AFG2A: variants seen among roughly 807,000 people sequenced by gnomAD.
AFG2A encodes the protein ATPase family gene 2 protein homolog A.
chr4:123,027,575 G>A, the AFG2A span, among the ~76,000 whole-genome samples: 4 of 152,188 alleles, frequency 2.6e-5, 1 homozygote, highest in South Asian at 8.3e-4. Flanking sequence ...CATGGTTACT[G>A]GTTGTTATAG....
the AFG2A span, among the ~76,000 whole-genome samples, chr4:123,101,401 T>A: frequency 3.3e-5 from 5 of 151,944 alleles, no homozygotes; most frequent in Admixed American, 3.3e-4. Context: ...CTTATATTCA[T>A]TCATTGAAAT....
At chr4:123,126,531 C>G in the AFG2A span, among the ~76,000 whole-genome samples, 1 of 152,108 alleles carries the variant, frequency 6.6e-6, no homozygotes, top group African/African-American at 2.4e-5. Context: ...TTATAGTTCC[C>G]ATAATCCCCA....
chr4:122,954,546 A>G, the AFG2A span, among the ~76,000 whole-genome samples: 1 of 152,200 alleles, frequency 6.6e-6, no homozygotes, highest in East Asian at 1.9e-4. Flanking sequence ...ATTTAGTCAT[A>G]TAGTCCTAAC....
chr4:123,260,182 A>G, the AFG2A span: 1 of 152,346 alleles, frequency 6.6e-6, no homozygotes, highest in Admixed American at 6.5e-5. Flanking sequence ...TTTGCTTACT[A>G]TAGTGGTTTT....
At chr4:122,966,404 A>G in the AFG2A span, among the ~76,000 whole-genome samples, 1 of 152,166 alleles carries the variant, frequency 6.6e-6, no homozygotes, top group Admixed American at 6.5e-5. Flanking sequence ...GTTCTTTCAT[A>G]TGTATAAGAC....
chr4:122,923,185 GA>G, the AFG2A span: 1 of 1,614,248 alleles, frequency 6.2e-7, no homozygotes, highest in Non-Finnish European at 8.5e-7. Context: ...CCAAAGCGCG[GA>G]AAATGGTTCG....
the AFG2A span, among the ~76,000 whole-genome samples, chr4:123,016,741 A>G: frequency 6.6e-6 from 1 of 152,174 alleles, no homozygotes; most frequent in African/African-American, 2.4e-5. Flanking sequence ...AGAGGCTGCA[A>G]TCTTGGCACT....
At chr4:123,155,749 A>T in the AFG2A span, among the ~76,000 whole-genome samples, 1 of 152,222 alleles carries the variant, frequency 6.6e-6, no homozygotes, top group Non-Finnish European at 1.5e-5. Flanking sequence ...AAGAGACTTG[A>T]ACATCCTCAG....
At chr4:123,288,615 A>C in the AFG2A span, among the ~76,000 whole-genome samples, 1 of 152,144 alleles carries the variant, frequency 6.6e-6, no homozygotes, top group Non-Finnish European at 1.5e-5. Context: ...TGGCCAGCTT[A>C]TTAATTGTTA....
At chr4:123,224,048 T>A in the AFG2A span, among the ~76,000 whole-genome samples, 1 of 152,192 alleles carries the variant, frequency 6.6e-6, no homozygotes, top group African/African-American at 2.4e-5. Flanking sequence ...TTTACAGCTT[T>A]AAGTCATATG....
the AFG2A span, among the ~76,000 whole-genome samples, chr4:122,960,682 G>C: frequency 1.3e-5 from 2 of 152,138 alleles, no homozygotes; most frequent in Admixed American, 6.5e-5. Flanking sequence ...TGTTATTACA[G>C]CACTTAAATC....
At chr4:123,216,606 A>G in the AFG2A span, among the ~76,000 whole-genome samples, 4 of 152,114 alleles carry the variant, frequency 2.6e-5, no homozygotes, top group Admixed American at 6.6e-5. Context: ...GTATGTTACA[A>G]TGGTCTGGAA....
the AFG2A span, among the ~76,000 whole-genome samples, chr4:123,023,816 C>T: frequency 0.022 from 3,283 of 152,136 alleles, 60 homozygotes; most frequent in Non-Finnish European, 0.036. Flanking sequence ...CTGCACTGTA[C>T]GGCCTTCCTG....
At chr4:123,174,023 A>T in the AFG2A span, among the ~76,000 whole-genome samples, 1 of 152,192 alleles carries the variant, frequency 6.6e-6, no homozygotes, top group Admixed American at 6.5e-5. Flanking sequence ...GGAGCAGAAA[A>T]GAGAAACTAA....
the AFG2A span, among the ~76,000 whole-genome samples, chr4:123,108,890 T>C: frequency 3.4e-4 from 51 of 152,200 alleles, no homozygotes; most frequent in Non-Finnish European, 5.7e-4. Flanking sequence ...ATGTGTGTTT[T>C]TTTAGAGGCT....
At chr4:122,963,151 G>A in the AFG2A span, among the ~76,000 whole-genome samples, 2 of 152,106 alleles carry the variant, frequency 1.3e-5, no homozygotes, top group Non-Finnish European at 2.9e-5. Flanking sequence ...AGATAGACTT[G>A]GGCTCTCTCC....
chr4:123,254,960 T>C, the AFG2A span, among the ~76,000 whole-genome samples: 1 of 152,220 alleles, frequency 6.6e-6, no homozygotes, highest in African/African-American at 2.4e-5. Context: ...GATATATATA[T>C]ATGGCTACAG....
the AFG2A span, among the ~76,000 whole-genome samples, chr4:123,255,539 G>A: frequency 6.6e-6 from 1 of 151,266 alleles, no homozygotes; most frequent in African/African-American, 2.4e-5. Context: ...TTATAGGCGT[G>A]AGCCACCATA....
chr4:123,238,612 C>T, the AFG2A span, among the ~76,000 whole-genome samples: 1 of 152,222 alleles, frequency 6.6e-6, no homozygotes, highest in Admixed American at 6.5e-5. Context: ...AGAAGAAAAA[C>T]TAACAAACCA....
Sources: allele counts gnomAD v4.1 joint callset (sites outside exome capture counted in the v4.1 genomes callset), GRCh38; gene constraint gnomAD v4.1.1; transcripts MANE v1.5; gene names NCBI Gene and HGNC (gene_info 2026-07-23, HGNC 2026-07-21).